Variants in CHST8 observed in about 807,000 individuals in gnomAD.
The protein encoded by CHST8 is GALNAC-4-ST1.
A neutral mutation model predicts 15.0 loss-of-function variants in CHST8; 10 were observed. The observed-to-expected ratio is 0.67, with a 90% CI of 0.41 to 1.13. The LOEUF is 1.13. CHST8 is among the 50% of genes most tolerant of loss of function. CHST8 has a pLI of 0.00. For missense variants in CHST8, 634 were observed against 608.2 expected, an observed-to-expected ratio of 1.04 and a Z score of -0.45; for synonymous variants, 259 against 256.6, an observed-to-expected ratio of 1.01 and a Z score of -0.09.
intron 3 of CHST8, among the ~76,000 whole-genome samples, chr19:33,742,525 G>A (rs1024679020): frequency 6.6e-6 from 1 of 152,094 alleles, no homozygotes; most frequent in African/African-American, 2.4e-5. Flanking sequence ...CCATGGGGAG[G>A]GCAACAAGCC....
intron 2 of CHST8, among the ~76,000 whole-genome samples, chr19:33,675,597 T>C (rs1193472685): frequency 1.3e-5 from 2 of 152,198 alleles, no homozygotes; most frequent in Non-Finnish European, 2.9e-5. Context: ...CAAGAGCTGG[T>C]TTCCTGGCAA....
At chr19:33,629,070 C>T (rs917759912) in intron 1 of CHST8, among the ~76,000 whole-genome samples, 1 of 152,188 alleles carries the variant, frequency 6.6e-6, no homozygotes, top group African/African-American at 2.4e-5. Flanking sequence ...CAAGTGACAG[C>T]CCAGTGCCCA....
At chr19:33,693,248 T>A (rs1335353781) in intron 3 of CHST8, among the ~76,000 whole-genome samples, 1 of 152,104 alleles carries the variant, frequency 6.6e-6, no homozygotes, top group Non-Finnish European at 1.5e-5. Context: ...TCAGGTGATC[T>A]GCCCACCTCG....
At position 33,767,741 on chromosome 19, in the gene CHST8, G is replaced by A. The variant is rs111664620; in HGVS notation, c.131-3672G>A. Among the ~76,000 whole-genome samples the A allele has an allele frequency of 9.6e-3, 1,461 of 152,316 alleles. 29 individuals carry two copies. The highest frequency in any genetic ancestry group is 0.034 in the African/African-American group (1,415 of 41,548). ...GGTAACTCAAGACACCGAAAGTGGG[G>A]TGTGCGTGGTTGGTCTTGGATTCTG... On this transcript the variant is annotated intron_variant, in intron 3 of 4. Transcript: ENST00000650847.
At chr19:33,667,489 G>GT (rs1429096216) in intron 1 of CHST8, among the ~76,000 whole-genome samples, 1 of 152,114 alleles carries the variant, frequency 6.6e-6, no homozygotes, top group Non-Finnish European at 1.5e-5. Flanking sequence ...CCTTCTGGAA[G>GT]GCTGGGGTGG....
intron 1 of CHST8, among the ~76,000 whole-genome samples, chr19:33,656,166 T>G (rs1335424374): frequency 6.6e-6 from 1 of 152,154 alleles, no homozygotes; most frequent in African/African-American, 2.4e-5. Context: ...GCTTTTTATT[T>G]TTTCTTTTGT....
At chr19:33,746,367 C>T (rs186642553) in intron 3 of CHST8, among the ~76,000 whole-genome samples, 15 of 152,288 alleles carry the variant, frequency 9.8e-5, no homozygotes, top group East Asian at 5.8e-4. Flanking sequence ...GCACCGCCCC[C>T]GGCAACCACT....
intron 1 of CHST8, among the ~76,000 whole-genome samples, chr19:33,626,373 A>G (rs1175375481): frequency 6.6e-6 from 1 of 151,260 alleles, no homozygotes; most frequent in Non-Finnish European, 1.5e-5. Context: ...GTGGGTTGAC[A>G]CCAAGAAGCA....
chr19:33,670,172 A>G (rs541408329), intron 2 of CHST8, among the ~76,000 whole-genome samples: 46 of 152,334 alleles, frequency 3.0e-4, no homozygotes, highest in African/African-American at 1.1e-3. Flanking sequence ...GCAGAAAGAA[A>G]GAAAAGAAAA....
intron 1 of CHST8, among the ~76,000 whole-genome samples, chr19:33,667,508 C>T (rs892836230): frequency 1.3e-5 from 2 of 152,158 alleles, no homozygotes; most frequent in East Asian, 3.9e-4. Flanking sequence ...GGCAGGCTCC[C>T]CCAGCTCCTT....
chr19:33,760,898 G>A (rs951018862), intron 3 of CHST8, among the ~76,000 whole-genome samples: 1 of 152,210 alleles, frequency 6.6e-6, no homozygotes, highest in Admixed American at 6.5e-5. Context: ...CATGAGGGCA[G>A]GGGCCACACT....
chr19:33,754,081 C>A (rs1198355879), intron 3 of CHST8, among the ~76,000 whole-genome samples: 3 of 77,142 alleles, frequency 3.9e-5, no homozygotes, highest in African/African-American at 1.7e-4. Context: ...CATCTCCCAC[C>A]ATCCATATGC....
chr19:33,763,191 T>C (rs1014807615), intron 3 of CHST8, among the ~76,000 whole-genome samples: 35 of 152,240 alleles, frequency 2.3e-4, no homozygotes, highest in African/African-American at 8.4e-4. Context: ...AAGCCTGCAT[T>C]AAAAACTACA....
At chr19:33,752,247 G>A (rs1310856419) in intron 3 of CHST8, among the ~76,000 whole-genome samples, 1 of 152,158 alleles carries the variant, frequency 6.6e-6, no homozygotes, top group African/African-American at 2.4e-5. Flanking sequence ...CCCTGCCCGG[G>A]GAGAGGAATT....
chr19:33,679,148 G>A (rs1972851661), intron 2 of CHST8, among the ~76,000 whole-genome samples: 1 of 152,206 alleles, frequency 6.6e-6, no homozygotes, highest in Non-Finnish European at 1.5e-5. Flanking sequence ...GGGCATTTCA[G>A]GTTTACTCAC....
intron 3 of CHST8, among the ~76,000 whole-genome samples, chr19:33,724,598 A>G (rs1466488718): frequency 6.6e-6 from 1 of 152,144 alleles, no homozygotes; most frequent in East Asian, 1.9e-4. Context: ...CCTGGACAGT[A>G]TTGCCTGGGG....
rs1974591193 is a variant in CHST8 at position 33,757,466 on chromosome 19, GAA to G, written c.131-13945_131-13944del. Among the ~76,000 whole-genome samples, 20 of 39,656 alleles carry G rather than the reference GAA, an allele frequency of 5.0e-4. 2 individuals are homozygous for G. The highest frequency in any genetic ancestry group is 7.4e-4 in the African/African-American group (7 of 9,474). The allele number at this position is 39,656 out of a possible 152,430, so 26.0% of individuals were successfully genotyped here. A position where few individuals can be genotyped will look rare whatever the true frequency, so the allele number is the denominator to read the frequency against. On this transcript the variant is annotated intron_variant, in intron 3 of 4. Coordinates refer to ENST00000650847, the MANE Select transcript of CHST8 (RefSeq NM_001127895.2). ...AGAAAGAAAGAAAGAAAGAAAGAAA[GAA>G]AGAAAGAAAGAAAGAAAGAAAGAAA...
intron 3 of CHST8, among the ~76,000 whole-genome samples, chr19:33,712,456 G>A (rs2145295660): frequency 6.6e-6 from 1 of 152,268 alleles, no homozygotes; most frequent in Middle Eastern, 3.4e-3. Context: ...GGATGTCATG[G>A]GTTTGTTTGA....
intron 1 of CHST8, among the ~76,000 whole-genome samples, chr19:33,655,374 T>C (rs1449647744): frequency 6.6e-6 from 1 of 152,208 alleles, no homozygotes; most frequent in Non-Finnish European, 1.5e-5. Context: ...GCATCTATAG[T>C]GACAAGCAAG....
Sources: gnomAD v4.1 joint callset for allele counts (sites outside exome capture counted in the v4.1 genomes callset) on GRCh38, gnomAD v4.1.1 for gene constraint, MANE v1.5 for transcripts, NCBI Gene and HGNC (gene_info 2026-07-23, HGNC 2026-07-21) for gene names.